COQ5: variants seen among roughly 807,000 people sequenced by gnomAD.
COQ5 encodes the protein 2-methoxy-6-polyprenyl-1,4-benzoquinol methylase, mitochondrial.
Under a neutral mutation model 40.5 loss-of-function variants are expected in COQ5, and 27 were observed. That is an observed-to-expected ratio of 0.67 (90% CI 0.49 to 0.92). COQ5 has a LOEUF of 0.92. Among genes scored for constraint, COQ5 ranks in the 40% least tolerant of loss-of-function variants. COQ5 has a pLI of 0.00. For synonymous variants in COQ5, 141 were observed against 150.0 expected (o/e 0.94, Z 0.44); for missense variants, 409 against 406.4 (o/e 1.01, Z -0.06).
At chr12:120,515,288 C>T (rs1869332048) in intron 3 of COQ5, among the ~76,000 whole-genome samples, 1 of 152,066 alleles carries the variant, frequency 6.6e-6, no homozygotes, top group South Asian at 2.1e-4. Context: ...CAGAGTCTCA[C>T]TATGTTGCCT....
chr12:120,528,618 C>T (rs979868989), intron 1 of COQ5, among the ~76,000 whole-genome samples: 1 of 151,874 alleles, frequency 6.6e-6, no homozygotes, highest in South Asian at 2.1e-4. Context: ...CGAGACCAGC[C>T]TGGTGAAACC....
chr12:120,527,989 A>C (rs1049197331), intron 1 of COQ5, among the ~76,000 whole-genome samples: 1 of 23,596 alleles, frequency 4.2e-5, no homozygotes, highest in Non-Finnish European at 9.3e-5. Flanking sequence ...ACTCAGTCTC[A>C]AAAAAAAAAA....
At chr12:120,506,953 C>T (rs1335457550) in intron 4 of COQ5, among the ~76,000 whole-genome samples, 1 of 152,054 alleles carries the variant, frequency 6.6e-6, no homozygotes, top group Middle Eastern at 3.2e-3. Context: ...CCTGTCTCAG[C>T]CTCCCAAGTA....
chr12:120,525,754 C>T (rs1032579891), intron 1 of COQ5, among the ~76,000 whole-genome samples: 1 of 151,952 alleles, frequency 6.6e-6, no homozygotes, highest in Non-Finnish European at 1.5e-5. Flanking sequence ...GAAACTCCAT[C>T]TCTACTAAAA....
chr12:120,509,951 A>G lies in COQ5; in HGVS notation c.681+66T>C, dbSNP rs552383323. ...CAAAACTCTCCTTCTTTCCTCACTC[A>G]CTGTAGCTCTACAACAGAGGTAATT... On this transcript the variant is annotated intron_variant, in intron 4 of 6. Coordinates refer to ENST00000288532, the MANE Select transcript of COQ5 (RefSeq NM_032314.4). The G allele has an allele frequency of 7.2e-5, 90 of 1,258,176 alleles. No individual in the cohort carries two copies. In the Admixed American group the frequency reaches 1.2e-3, roughly 17 times the overall value. 77.9% of individuals were successfully genotyped at this position (1,258,176 alleles called of 1,614,324 possible).
intron 1 of COQ5, chr12:120,523,119 A>ACT (rs2137092094): frequency 3.3e-6 from 1 of 305,378 alleles, no homozygotes; most frequent in Non-Finnish European, 6.0e-6. Context: ...CGGGCGGATC[A>ACT]CGAGGTCAGG....
intron 1 of COQ5, among the ~76,000 whole-genome samples, chr12:120,524,595 C>T (rs1046836418): frequency 2.0e-5 from 3 of 152,110 alleles, no homozygotes; most frequent in Non-Finnish European, 2.9e-5. Context: ...ACCTCAGTTT[C>T]TCTGCCCGTA....
At chr12:120,513,260 T>C (rs1869219974) in intron 3 of COQ5, among the ~76,000 whole-genome samples, 1 of 148,516 alleles carries the variant, frequency 6.7e-6, no homozygotes, top group South Asian at 2.2e-4. Context: ...TCCCAGCACT[T>C]TGGGAGGCCG....
intron 3 of COQ5, among the ~76,000 whole-genome samples, chr12:120,511,182 G>T (rs1229669341): frequency 6.6e-6 from 1 of 151,304 alleles, no homozygotes; most frequent in Non-Finnish European, 1.5e-5. Flanking sequence ...GCTTGAATTC[G>T]GGAGGTGGAG....
chr12:120,509,023 CAAA>C lies in COQ5; in HGVS notation c.681+991_681+993del, dbSNP rs55804213. ...CTGGCAACAGAGCGAGACTCTGTCT[CAAA>C]AAAAAAAAAAAAAAGTTTTCATTCA... On this transcript the variant is annotated intron_variant, in intron 4 of 6. Coordinates refer to ENST00000288532, the MANE Select transcript of COQ5 (RefSeq NM_032314.4). Among the ~76,000 whole-genome samples, 365 of 119,998 alleles carry C rather than the reference CAAA, an allele frequency of 3.0e-3. 2 individuals carry two copies. The highest frequency in any genetic ancestry group is 9.9e-3 in the African/African-American group (319 of 32,332). The allele number at this position is 119,998 out of a possible 152,430, so 78.7% of individuals were successfully genotyped here. A position where few individuals can be genotyped will look rare whatever the true frequency, so the allele number is the denominator to read the frequency against.
At chr12:120,513,951 T>C (rs1196136905) in intron 3 of COQ5, among the ~76,000 whole-genome samples, 1 of 152,178 alleles carries the variant, frequency 6.6e-6, no homozygotes, top group Admixed American at 6.6e-5. Flanking sequence ...ATCTGTACTA[T>C]GGGGCACTTA....
intron 1 of COQ5, chr12:120,522,844 T>C: frequency 1.4e-6 from 1 of 692,676 alleles, no homozygotes; most frequent in Non-Finnish European, 2.6e-6. Context: ...GGATCGAGCT[T>C]GCGGCTGACA....
chr12:120,509,753 A>G (rs1869041501), intron 4 of COQ5: 3 of 429,808 alleles, frequency 7.0e-6, no homozygotes. Context: ...CTTTTTTAAG[A>G]TTAAAAAAAA....
intron 2 of COQ5, 83 bp from the exon 3 acceptor site, chr12:120,516,871 G>T: frequency 8.5e-7 from 1 of 1,177,554 alleles, no homozygotes; most frequent in Non-Finnish European, 1.3e-6. Flanking sequence ...AACCCAAAGG[G>T]GTAACAGAGG....
At chr12:120,507,094 G>C (rs901809535) in intron 4 of COQ5, among the ~76,000 whole-genome samples, 2 of 151,494 alleles carry the variant, frequency 1.3e-5, no homozygotes, top group African/African-American at 4.9e-5. Context: ...TCGGCCTCCC[G>C]AAGTGCTGGG....
intron 3 of COQ5, among the ~76,000 whole-genome samples, chr12:120,511,558 G>A (rs1019835943): frequency 7.2e-5 from 11 of 152,070 alleles, no homozygotes; most frequent in African/African-American, 2.7e-4. Flanking sequence ...GGCTGAGGTG[G>A]GAGGAGAGCT....
intron 3 of COQ5, 29 bp from the exon 4 acceptor site, chr12:120,510,152 A>C: frequency 6.5e-7 from 1 of 1,539,888 alleles, no homozygotes; most frequent in Admixed American, 1.7e-5. Flanking sequence ...TCCGGGTCTC[A>C]GTGTGGGTAG....
At chr12:120,504,124 C>A (rs7136951) in intron 5 of COQ5, 43 bp from the exon 6 acceptor site, 1 of 1,120,366 alleles carries the variant, frequency 8.9e-7, no homozygotes, top group South Asian at 1.2e-5. Flanking sequence ...AGAACATGCC[C>A]CTCACTTCTT....
intron 1 of COQ5, among the ~76,000 whole-genome samples, chr12:120,525,610 T>C (rs1206013973): frequency 1.3e-5 from 2 of 151,742 alleles, no homozygotes; most frequent in African/African-American, 2.4e-5. Context: ...CTGGGCAGCA[T>C]AGTGAGAACT....
Sources: gnomAD v4.1 joint callset for allele counts (sites outside exome capture counted in the v4.1 genomes callset) on GRCh38, gnomAD v4.1.1 for gene constraint, MANE v1.5 for transcripts, NCBI Gene and HGNC (gene_info 2026-07-23, HGNC 2026-07-21) for gene names.